MEAK7: variants seen among roughly 807,000 people sequenced by gnomAD.
MEAK7 encodes MTOR-associated protein MEAK7.
MEAK7 carries 68 observed loss-of-function variants against 40.5 expected under a neutral mutation model. That is an observed-to-expected ratio of 1.68 (90% confidence interval 1.38 to 2.06). The LOEUF (loss-of-function observed/expected upper bound fraction) is 2.06, where lower values mean the gene tolerates loss of function less well. MEAK7 is among the 30% of genes most tolerant of loss of function. The pLI, the probability that MEAK7 is intolerant of heterozygous loss-of-function variation, is 0.00. For synonymous variants in MEAK7, 338 were observed against 231.9 expected, an observed-to-expected ratio of 1.46 and a Z score of -4.16; for missense variants, 918 against 580.5, an observed-to-expected ratio of 1.58 and a Z score of -5.98.
At chr16:84,491,007 G>C (rs1441512782) in intron 3 of MEAK7, among the ~76,000 whole-genome samples, 1 of 152,038 alleles carries the variant, frequency 6.6e-6, no homozygotes, top group East Asian at 1.9e-4. Flanking sequence ...CCTGATTTTT[G>C]TCTAAAAAAG....
At chr16:84,495,637 A>T (rs1308793841) in intron 3 of MEAK7, 46 bp downstream of exon 3, 8 of 1,594,774 alleles carry the variant, frequency 5.0e-6, no homozygotes, top group African/African-American at 2.7e-5. Context: ...ACCGATGGTC[A>T]CCAAGACTGC....
chr16:84,492,904 T>C (rs1913744628), intron 3 of MEAK7, among the ~76,000 whole-genome samples: 1 of 152,234 alleles, frequency 6.6e-6, no homozygotes, highest in Admixed American at 6.5e-5. Context: ...TTTAAACTTC[T>C]GATATTTGAC....
chr16:84,499,300 C>T (rs192724570), intron 1 of MEAK7, among the ~76,000 whole-genome samples: 1 of 152,158 alleles, frequency 6.6e-6, no homozygotes, highest in South Asian at 2.1e-4. Flanking sequence ...GGACTTTTTC[C>T]GGAAACCCAG....
Position 84,482,589 on chromosome 16 carries a change from C to A in MEAK7, c.1077+3G>T. 1.9e-6 allele frequency: 3 copies of A among 1,614,144 alleles called. No homozygotes were observed. The highest frequency in any genetic ancestry group is 2.5e-6 in the Non-Finnish European group (3 of 1,179,978). On this transcript the variant is annotated splice_donor_region_variant and intron_variant, in intron 6 of 7. Coordinates refer to ENST00000343629, the MANE Select transcript of MEAK7 (RefSeq NM_020947.4). Reference sequence around the variant, plus strand: ...AAGACCACCACGCTCTGCCCGGGCTCACCAGTCCGTTCGGGATCGTCTGCT... The same window carrying A: ...AAGACCACCACGCTCTGCCCGGGCTAACCAGTCCGTTCGGGATCGTCTGCT...
chr16:84,492,103 C>T (rs998476975), intron 3 of MEAK7, among the ~76,000 whole-genome samples: 1 of 152,068 alleles, frequency 6.6e-6, no homozygotes. Context: ...TATTTAACCC[C>T]TCTAGGCCCA....
intron 1 of MEAK7, among the ~76,000 whole-genome samples, chr16:84,501,837 C>T (rs535702172): frequency 6.6e-6 from 1 of 152,262 alleles, no homozygotes; most frequent in South Asian, 2.1e-4. Context: ...CTTTGAGAGC[C>T]CCGTGCCAGG....
intron 1 of MEAK7, among the ~76,000 whole-genome samples, chr16:84,501,346 G>C (rs1363120097): frequency 6.6e-6 from 1 of 152,012 alleles, no homozygotes; most frequent in East Asian, 1.9e-4. Context: ...GAGGGCAGCA[G>C]AGGGCTGCAG....
chr16:84,503,740 G>A (rs986993298), intron 1 of MEAK7, among the ~76,000 whole-genome samples: 1 of 152,118 alleles, frequency 6.6e-6, no homozygotes, highest in African/African-American at 2.4e-5. Flanking sequence ...GAAACGGAAG[G>A]TTGCTCTGCC....
intron 3 of MEAK7, among the ~76,000 whole-genome samples, chr16:84,494,470 T>TA (rs1188391200): frequency 6.6e-6 from 1 of 152,140 alleles, no homozygotes; most frequent in East Asian, 1.9e-4. Flanking sequence ...TTGAAATCAT[T>TA]AAAAAATAAG....
intron 1 of MEAK7, 23 bp from the exon 2 acceptor site, chr16:84,498,134 A>G (rs200269684): frequency 1.3e-6 from 2 of 1,535,878 alleles, no homozygotes; most frequent in Admixed American, 2.2e-5. Context: ...AAGACACAAC[A>G]TTAGAAAAAT....
intron 1 of MEAK7, among the ~76,000 whole-genome samples, chr16:84,503,144 T>C (rs192529891): frequency 4.2e-4 from 64 of 152,302 alleles, no homozygotes; most frequent in African/African-American, 1.4e-3. Flanking sequence ...GGAAGAACTG[T>C]CTTGGGCCAC....
intron 5 of MEAK7, chr16:84,486,310 G>T (rs774727739): frequency 1.5e-5 from 7 of 470,760 alleles, no homozygotes; most frequent in Admixed American, 4.8e-5. Context: ...GAAAATGTCC[G>T]ATCTGAACCA....
chr16:84,500,706 C>G (rs1161647738), intron 1 of MEAK7, among the ~76,000 whole-genome samples: 1 of 152,188 alleles, frequency 6.6e-6, no homozygotes, highest in East Asian at 1.9e-4. Context: ...AGGAAAACCT[C>G]CAGCCTGGAC....
At chr16:84,499,884 A>G (rs1313374361) in intron 1 of MEAK7, 1 of 152,224 alleles carries the variant, frequency 6.6e-6, no homozygotes, top group Non-Finnish European at 1.5e-5. Context: ...TAAAAACGTA[A>G]AAATTCGCCA....
chr16:84,502,054 G>A (rs1261703222), intron 1 of MEAK7, among the ~76,000 whole-genome samples: 1 of 152,222 alleles, frequency 6.6e-6, no homozygotes, highest in Admixed American at 6.5e-5. Flanking sequence ...TGAGGCAGGA[G>A]AATTGCTTGA....
At chr16:84,492,599 G>A (rs1296028803) in intron 3 of MEAK7, among the ~76,000 whole-genome samples, 1 of 23,898 alleles carries the variant, frequency 4.2e-5, no homozygotes, top group Non-Finnish European at 2.3e-4. Flanking sequence ...ATTTATTTTT[G>A]GAGATGAAGT....
rs1486106440 is a variant in MEAK7, at chr16:84,477,043, T to C, written c.*2870A>G. Reference sequence around the variant, plus strand: ...AGTAGCTAGGACCACAGGCATGTGTTACCATGCCTGGTTAATTTTCGTATT... The same window carrying C: ...AGTAGCTAGGACCACAGGCATGTGTCACCATGCCTGGTTAATTTTCGTATT... On this transcript the variant is annotated 3_prime_UTR_variant, in exon 8 of 8. Transcript: ENST00000343629. The C allele has an allele frequency of 2.6e-5, 4 of 152,152 alleles. No homozygotes were observed. The highest frequency in any genetic ancestry group is 5.9e-5 in the Non-Finnish European group (4 of 68,068). 9.4% of individuals were successfully genotyped at this position (152,152 alleles called of 1,614,324 possible).
At chr16:84,496,760 T>TC (rs1458250501) in intron 2 of MEAK7, among the ~76,000 whole-genome samples, 3 of 152,088 alleles carry the variant, frequency 2.0e-5, no homozygotes, top group Non-Finnish European at 2.9e-5. Flanking sequence ...CATCAGACTC[T>TC]CCCACAATCT....
intron 5 of MEAK7, 29 bp downstream of exon 5, chr16:84,486,602 T>C: frequency 1.9e-6 from 3 of 1,563,042 alleles, no homozygotes; most frequent in Non-Finnish European, 2.6e-6. Flanking sequence ...GCTGTGCCAC[T>C]CGTCAAGGTT....
Sources: gnomAD v4.1 joint callset for allele counts (sites outside exome capture counted in the v4.1 genomes callset) on GRCh38, gnomAD v4.1.1 for gene constraint, MANE v1.5 for transcripts, NCBI Gene and HGNC (gene_info 2026-07-23, HGNC 2026-07-21) for gene names.